Variants in DLG2 observed in about 807,000 individuals in gnomAD.
The protein encoded by DLG2 is discs large MAGUK scaffold protein 2, also known as disks large homolog 2.
A neutral mutation model predicts 132.5 loss-of-function variants in DLG2; 45 were observed. The ratio of observed to expected loss-of-function variants is 0.34; its 90% CI spans 0.27 to 0.44. The LOEUF is 0.44. Among genes scored for constraint, DLG2 ranks in the 20% least tolerant of loss-of-function variants. The pLI is 1.00. For missense variants in DLG2, 1,045 were observed against 1,196.9 expected (o/e 0.87, Z 1.87); for synonymous variants, 424 against 419.6 (o/e 1.01, Z -0.13).
chr11:83,491,890 C>G (rs112395691), intron 21 of DLG2, among the ~76,000 whole-genome samples: 2 of 150,324 alleles, frequency 1.3e-5, no homozygotes, highest in African/African-American at 4.9e-5. Flanking sequence ...GAACTTACTT[C>G]AATCACACTT....
chr11:83,524,903 T>C (rs1375331577), intron 21 of DLG2, among the ~76,000 whole-genome samples: 1 of 152,256 alleles, frequency 6.6e-6, no homozygotes, highest in East Asian at 1.9e-4. Flanking sequence ...CATGAGTATG[T>C]GTGTGTGTGC....
intron 6 of DLG2, among the ~76,000 whole-genome samples, chr11:84,585,898 T>A (rs956631101): frequency 1.9e-4 from 29 of 152,360 alleles, no homozygotes; most frequent in African/African-American, 6.7e-4. Context: ...ACACCTGTAA[T>A]CCTAACACTT....
intron 4 of DLG2, among the ~76,000 whole-genome samples, chr11:85,191,374 C>A (rs948705700): frequency 4.0e-5 from 6 of 151,864 alleles, no homozygotes; most frequent in Non-Finnish European, 8.8e-5. Context: ...TTCACTCCCA[C>A]CACACACCAC....
chr11:84,542,847 T>A (rs985719148), intron 6 of DLG2, among the ~76,000 whole-genome samples: 2 of 152,214 alleles, frequency 1.3e-5, no homozygotes, highest in Non-Finnish European at 2.9e-5. Flanking sequence ...TATTCCCATC[T>A]AGGCCCTGCC....
chr11:85,355,288 G>A (rs1323948937), intron 3 of DLG2, among the ~76,000 whole-genome samples: 1 of 152,042 alleles, frequency 6.6e-6, no homozygotes, highest in Non-Finnish European at 1.5e-5. Flanking sequence ...TCAAATATAT[G>A]GAAAATGATC....
At chr11:84,874,006 A>G (rs1183984285) in intron 6 of DLG2, among the ~76,000 whole-genome samples, 1 of 152,210 alleles carries the variant, frequency 6.6e-6, no homozygotes, top group African/African-American at 2.4e-5. Flanking sequence ...GTCAAAGCAC[A>G]AGGAAAAACA....
chr11:83,691,144 T>G (rs1438668562), intron 18 of DLG2, among the ~76,000 whole-genome samples: 11 of 152,148 alleles, frequency 7.2e-5, no homozygotes, highest in Non-Finnish European at 1.5e-4. Context: ...TCAGAGAGGT[T>G]GTCACTTCTC....
intron 7 of DLG2, among the ~76,000 whole-genome samples, chr11:84,253,510 T>C (rs1292450587): frequency 6.6e-6 from 1 of 152,174 alleles, no homozygotes; most frequent in East Asian, 1.9e-4. Flanking sequence ...AGATATATTA[T>C]TGGATGGCTT....
Position 84,415,628 on chromosome 11 carries a change from G to A in DLG2, c.519+118942C>T, listed in dbSNP as rs181865017. On this transcript the variant is annotated intron_variant, in intron 7 of 27. Transcript: ENST00000376104. ...ATTCGTGATTCCAAAGTGGAGATTT[G>A]TCATAGGTGTGGCCAGCGCCAGTGA... 2.8e-4 allele frequency among the ~76,000 whole-genome samples: 43 copies of A among 152,254 alleles called. No homozygotes were observed. In the East Asian group the frequency reaches 2.9e-3, roughly 10 times the overall value.
At chr11:84,677,548 T>A (rs1022747776) in intron 6 of DLG2, among the ~76,000 whole-genome samples, 5 of 152,072 alleles carry the variant, frequency 3.3e-5, no homozygotes, top group African/African-American at 1.2e-4. Context: ...CATTCTAACT[T>A]GACACAGATC....
At chr11:85,144,475 G>T (rs2076712007) in intron 5 of DLG2, among the ~76,000 whole-genome samples, 1 of 149,938 alleles carries the variant, frequency 6.7e-6, no homozygotes, top group Admixed American at 6.7e-5. Context: ...TTGTTTTCTG[G>T]TTACTTTGTG....
At position 83,787,487 on chromosome 11, in the gene DLG2, A is replaced by C. The variant is rs1182064382; in HGVS notation, c.1723-695T>G. Reference sequence around the variant, plus strand: ...CAGGTGCCCGCCACCACGCCCGGCTAATTTTTTATATTTTCAGTAGAGACG... The same window carrying C: ...CAGGTGCCCGCCACCACGCCCGGCTCATTTTTTATATTTTCAGTAGAGACG... On this transcript the variant is annotated intron_variant, in intron 17 of 27. Coordinates refer to ENST00000376104, the MANE Select transcript of DLG2 (RefSeq NM_001142699.3). 2.0e-5 allele frequency among the ~76,000 whole-genome samples: 3 copies of C among 151,256 alleles called. No homozygotes were observed. In the East Asian group the frequency reaches 5.8e-4, roughly 29 times the overall value.
At chr11:83,728,466 G>A (rs2090425223) in intron 18 of DLG2, among the ~76,000 whole-genome samples, 1 of 152,120 alleles carries the variant, frequency 6.6e-6, no homozygotes, top group Admixed American at 6.6e-5. Context: ...TGCTGCCTCT[G>A]GGAATCCTTC....
chr11:83,947,185 G>A (rs1381592948), intron 14 of DLG2, among the ~76,000 whole-genome samples: 1 of 151,936 alleles, frequency 6.6e-6, no homozygotes. Flanking sequence ...TACCTGAATG[G>A]GAAATCTGAA....
intron 6 of DLG2, among the ~76,000 whole-genome samples, chr11:84,843,313 G>C (rs1002630078): frequency 1.3e-5 from 2 of 151,270 alleles, no homozygotes; most frequent in Non-Finnish European, 2.9e-5. Context: ...CAGAGCAAGG[G>C]ATTCGGTACT....
At position 85,627,262 on chromosome 11, in the gene DLG2, T is replaced by C. The variant is rs1238926914; in HGVS notation, c.-304A>G. 6.6e-6 allele frequency: 1 copy of C among 152,210 alleles called. No homozygotes were observed. The highest frequency in any genetic ancestry group is 2.4e-5 in the African/African-American group (1 of 41,438). The allele number at this position is 152,210 out of a possible 1,614,324, so 9.4% of individuals were successfully genotyped here. On this transcript the variant is annotated 5_prime_UTR_variant, in exon 1 of 28. Transcript: ENST00000376104. ...CCAGCTTGCTGTCCCTTTCATTTTT[T>C]TCTTCTGTGCTCTCCAAGCCCCCAG...
At chr11:83,973,091 A>C (rs1317329127) in intron 12 of DLG2, among the ~76,000 whole-genome samples, 1 of 152,146 alleles carries the variant, frequency 6.6e-6, no homozygotes, top group Non-Finnish European at 1.5e-5. Flanking sequence ...ACAAGAGAAA[A>C]ACATTTGCAT....
chr11:85,603,713 C>T (rs935979249), intron 2 of DLG2, among the ~76,000 whole-genome samples: 12 of 151,934 alleles, frequency 7.9e-5, no homozygotes, highest in Admixed American at 4.6e-4. Context: ...ACCGGGAGTT[C>T]GAGACCAGCC....
At chr11:83,895,145 CTTTTTTTT>C in intron 15 of DLG2, among the ~76,000 whole-genome samples, 1 of 87,910 alleles carries the variant, frequency 1.1e-5, no homozygotes, top group African/African-American at 5.0e-5. Context: ...GAACTACTGT[CTTTTTTTT>C]TTTTTTTTTT....
Sources: allele counts gnomAD v4.1 joint callset (sites outside exome capture counted in the v4.1 genomes callset), GRCh38; gene constraint gnomAD v4.1.1; transcripts MANE v1.5; gene names NCBI Gene and HGNC (gene_info 2026-07-23, HGNC 2026-07-21).